FCRL5: variants seen among roughly 807,000 people sequenced by gnomAD.
FCRL5 encodes Fc receptor like 5.
A neutral mutation model predicts 92.1 loss-of-function variants in FCRL5; 79 were observed. The observed-to-expected ratio is 0.86, with a 90% CI of 0.72 to 1.03. The LOEUF (loss-of-function observed/expected upper bound fraction) is 1.03. Among genes scored for constraint, FCRL5 ranks in the 50% least tolerant of loss-of-function variants. The pLI is 0.00. For synonymous variants in FCRL5, 466 were observed against 469.3 expected, an observed-to-expected ratio of 0.99 and a Z score of 0.09; for missense variants, 1,160 against 1,181.1, an observed-to-expected ratio of 0.98 and a Z score of 0.26.
intron 7 of FCRL5, among the ~76,000 whole-genome samples, chr1:157,535,959 T>TTTTTTTTTTTTTA (rs1558135559): frequency 6.7e-6 from 1 of 148,564 alleles, no homozygotes; most frequent in African/African-American, 2.5e-5. Flanking sequence ...TTTTTTTTTT[T>TTTTTTTTTTTTTA]GAGATGGAGT....
chr1:157,548,785 A>G (rs1651675238), intron 2 of FCRL5, among the ~76,000 whole-genome samples: 1 of 152,216 alleles, frequency 6.6e-6, no homozygotes, highest in African/African-American at 2.4e-5. Context: ...TCAGGAAACA[A>G]CAGGTGCTGG....
intron 5 of FCRL5, among the ~76,000 whole-genome samples, chr1:157,543,656 G>A (rs944479837): frequency 6.6e-6 from 1 of 152,120 alleles, no homozygotes; most frequent in African/African-American, 2.4e-5. Context: ...CATGAGTGGA[G>A]GGATGACACA....
chr1:157,542,647 C>A, intron 6 of FCRL5: 2 of 556,010 alleles, frequency 3.6e-6, no homozygotes, highest in South Asian at 3.5e-5. Context: ...GCCACTGCAC[C>A]ATCAGGCAGG....
In FCRL5 at chr1:157,521,289, G is replaced by C. The variant is rs142943534; in HGVS notation, c.2243C>G (p.Pro748Arg). The C allele has an allele frequency of 1.0e-5, 16 of 1,596,274 alleles. No homozygotes were observed. In the Admixed American group the frequency reaches 1.3e-4, roughly 13 times the overall value. ...SEMVTLKVAVPVSRPVLTLRA... is the reference protein window; with the variant it reads ...SEMVTLKVAVRVSRPVLTLRA... ...GAGGGTGAGGACCGGGCGAGACACC[G>C]GAACTGAAAGAGAACAAAAAGTCAA... The change falls in exon 11 of 17, where the codon CCG (proline) becomes CGG (arginine). Residue 748 changes from proline (P) to arginine (R), a missense_variant. Coordinates refer to ENST00000361835, the MANE Select transcript of FCRL5 (RefSeq NM_031281.3).
intron 9 of FCRL5, among the ~76,000 whole-genome samples, chr1:157,525,929 T>G (rs1027516555): frequency 3.9e-5 from 6 of 152,222 alleles, no homozygotes; most frequent in Admixed American, 1.3e-4. Flanking sequence ...GTATGTCATG[T>G]GCAGATGCTC....
intron 4 of FCRL5, 72 bp downstream of exon 4, chr1:157,544,759 C>A: frequency 1.9e-6 from 3 of 1,578,988 alleles, no homozygotes; most frequent in Non-Finnish European, 2.6e-6. Context: ...CCCTTTTCCT[C>A]CTGTTCTATC....
chr1:157,522,719 C>A (rs935834691), intron 10 of FCRL5: 1 of 152,124 alleles, frequency 6.6e-6, no homozygotes, highest in Non-Finnish European at 1.5e-5. Flanking sequence ...TCAGGCTGGG[C>A]AAGAAACCCT....
At chr1:157,545,567 C>T (rs1403776228) in intron 3 of FCRL5, among the ~76,000 whole-genome samples, 1 of 103,150 alleles carries the variant, frequency 9.7e-6, no homozygotes, top group Non-Finnish European at 1.7e-5. Flanking sequence ...CTCACTCTTT[C>T]ACCCAGGCAG....
intron 7 of FCRL5, among the ~76,000 whole-genome samples, chr1:157,536,522 G>T (rs1343447975): frequency 6.6e-6 from 1 of 152,202 alleles, no homozygotes; most frequent in Non-Finnish European, 1.5e-5. Context: ...CCACTGTACT[G>T]CTGGAGTGGT....
chr1:157,551,048 C>T (rs1651786222), intron 1 of FCRL5, among the ~76,000 whole-genome samples: 2 of 152,302 alleles, frequency 1.3e-5, no homozygotes, highest in Admixed American at 1.3e-4. Flanking sequence ...CTTCCTTCAT[C>T]TTTGCATTGT....
chr1:157,520,471 C>G lies in FCRL5; in HGVS notation c.2592G>C (p.Ala864=), dbSNP rs758663629. ...GGLLSIAGLA[A]GALLLYCWLS... is the part of the protein sequence containing the mutation. ...GCCAGCAGTAGAGCAGCAGTGCCCC[C>G]GCAGCAAGGCCTGCTATGCTGAGCA... Residue 864 remains alanine, a synonymous_variant, in exon 12 of 17, where the codon GCG becomes GCC. Transcript: ENST00000361835. The G allele has an allele frequency of 1.3e-6, 2 of 1,573,870 alleles. No homozygotes were observed. Among genetic ancestry groups the G allele is most frequent in the Admixed American group, 3.7e-5 (2 of 54,356 alleles).
At chr1:157,536,485 C>T (rs1344927135) in intron 7 of FCRL5, among the ~76,000 whole-genome samples, 1 of 152,240 alleles carries the variant, frequency 6.6e-6, no homozygotes, top group East Asian at 1.9e-4. Context: ...GGCTGCTCCT[C>T]AAACAGGTTG....
chr1:157,551,349 T>C (rs1651802936), intron 1 of FCRL5, among the ~76,000 whole-genome samples: 2 of 152,342 alleles, frequency 1.3e-5, no homozygotes, highest in East Asian at 1.9e-4. Flanking sequence ...TTATAGTCCA[T>C]GCACCTTCCA....
rs1315201340 is a variant in FCRL5, at chr1:157,545,011, C to G, written c.379G>C (p.Ala127Pro). ...ATAGTATTATTCAGTGTTACTTCCG[C>G]CTTTGCCCGGCACCTCAGAACCACA... is the stretch of plus-strand genomic sequence containing the variant. ...DSVVLRCRAK[A>P]EVTLNNTIYK... The change falls in exon 4 of 17, where the codon GCG becomes CCG. Residue 127 changes from alanine (A) to proline (P), a missense_variant. Ala to Pro is a conservative substitution (Grantham distance 27). Coordinates refer to ENST00000361835, the MANE Select transcript of FCRL5 (RefSeq NM_031281.3). The G allele has an allele frequency of 1.9e-6, 3 of 1,613,634 alleles. No homozygotes were observed. The highest frequency in any genetic ancestry group is 1.1e-5 in the South Asian group (1 of 91,072).
chr1:157,542,687 C>T (rs745688727), intron 6 of FCRL5, 172 bp downstream of exon 6: 82 of 791,868 alleles, frequency 1.0e-4, no homozygotes, highest in Admixed American at 4.6e-4. Flanking sequence ...TGCAATGCAA[C>T]GAGACTCAAG....
intron 6 of FCRL5, 62 bp from the exon 7 acceptor site, chr1:157,539,426 G>A: frequency 6.8e-7 from 1 of 1,475,852 alleles, no homozygotes; most frequent in Non-Finnish European, 9.1e-7. Context: ...TTTCATAAAA[G>A]GAAAATAAAT....
intron 10 of FCRL5, chr1:157,523,949 G>A (rs1020164013): frequency 5.5e-5 from 22 of 398,264 alleles, no homozygotes; most frequent in African/African-American, 3.7e-4. Flanking sequence ...TCCTTTCTAC[G>A]GCAGAGAAAC....
chr1:157,525,373 C>T (rs888328495), intron 9 of FCRL5, among the ~76,000 whole-genome samples: 2 of 152,156 alleles, frequency 1.3e-5, no homozygotes, highest in African/African-American at 4.8e-5. Flanking sequence ...AAGACTGGCA[C>T]ATTTGAATTT....
At chr1:157,527,573 G>A (rs2101610042) in intron 9 of FCRL5, 44 bp downstream of exon 9, 1 of 1,529,128 alleles carries the variant, frequency 6.5e-7, no homozygotes, top group Non-Finnish European at 8.8e-7. Context: ...AAAGTTAGGG[G>A]AGATGGTCTT....
Sources: gnomAD v4.1 joint callset for allele counts (sites outside exome capture counted in the v4.1 genomes callset) on GRCh38, gnomAD v4.1.1 for gene constraint, MANE v1.5 for transcripts, NCBI Gene and HGNC (gene_info 2026-07-23, HGNC 2026-07-21) for gene names.